TRIM5: variants seen among roughly 807,000 people sequenced by gnomAD.
TRIM5 encodes tripartite motif-containing protein 5.
TRIM5 carries 31 observed loss-of-function variants against 35.6 expected under a neutral mutation model. The ratio of observed to expected loss-of-function variants is 0.87; its 90% CI spans 0.65 to 1.18. The LOEUF (loss-of-function observed/expected upper bound fraction) is 1.18. Ranked by LOEUF, TRIM5 falls within the 50% of genes most tolerant of loss-of-function variation. The pLI, the probability that TRIM5 is intolerant of heterozygous loss-of-function variation, is 0.00. For missense variants in TRIM5, 609 were observed against 591.6 expected, an observed-to-expected ratio of 1.03 and a Z score of -0.31; for synonymous variants, 243 against 215.6, an observed-to-expected ratio of 1.13 and a Z score of -1.11.
chr11:5,610,207 G>A, the TRIM5 span: 42 of 1,613,966 alleles, frequency 2.6e-5, no homozygotes, highest in Middle Eastern at 1.6e-4. Flanking sequence ...AGTATGTTCC[G>A]AGCCCCAGAT....
chr11:5,593,626 A>G, the TRIM5 span, among the ~76,000 whole-genome samples: 4 of 152,140 alleles, frequency 2.6e-5, no homozygotes. Context: ...TCAAATGTTA[A>G]TATCCACTTA....
the TRIM5 span, chr11:5,596,522 C>CCCCACTT: frequency 1.0e-4 from 3 of 29,278 alleles, no homozygotes; most frequent in East Asian, 3.1e-3. Flanking sequence ...TTCTCCCCTT[C>CCCCACTT]CCCCCTTCCC....
the TRIM5 span, chr11:5,632,390 A>G: frequency 6.2e-7 from 1 of 1,614,020 alleles, no homozygotes; most frequent in South Asian, 1.1e-5. Context: ...ATCTGCCTGG[A>G]GCTGTTGACA....
the TRIM5 span, among the ~76,000 whole-genome samples, chr11:5,607,859 G>A: frequency 6.6e-6 from 1 of 152,064 alleles, no homozygotes; most frequent in Non-Finnish European, 1.5e-5. Flanking sequence ...AAGGAAAGGG[G>A]GCTGAGCAGA....
the TRIM5 span, chr11:5,632,399 C>T: frequency 6.2e-7 from 1 of 1,614,058 alleles, no homozygotes; most frequent in Non-Finnish European, 8.5e-7. Flanking sequence ...GAGCTGTTGA[C>T]AGAACCCTTG....
the TRIM5 span, among the ~76,000 whole-genome samples, chr11:5,603,043 G>C: frequency 6.6e-6 from 1 of 152,170 alleles, no homozygotes; most frequent in African/African-American, 2.4e-5. Flanking sequence ...TTCAATAGGA[G>C]CAAGAGGAAA....
At chr11:5,622,995 A>C in the TRIM5 span, among the ~76,000 whole-genome samples, 2 of 152,202 alleles carry the variant, frequency 1.3e-5, no homozygotes, top group Non-Finnish European at 2.9e-5. Flanking sequence ...TTTCCAGGTC[A>C]TAGGTAGATA....
chr11:5,670,007 T>C (rs1015119306), intron 4 of TRIM5: 43 of 157,152 alleles, frequency 2.7e-4, no homozygotes, highest in Admixed American at 3.3e-4. Context: ...TCAATGTCCT[T>C]CTCCAAATTC....
chr11:5,616,411 T>C, the TRIM5 span, among the ~76,000 whole-genome samples: 4,816 of 145,570 alleles, frequency 0.033, 688 homozygotes, highest in African/African-American at 0.11. Flanking sequence ...ACTGCTTGAG[T>C]TGGCATTTTA....
the TRIM5 span, chr11:5,612,008 G>C: frequency 6.6e-6 from 1 of 152,058 alleles, no homozygotes; most frequent in East Asian, 1.9e-4. Flanking sequence ...GTAAATTATT[G>C]AGACAATTGT....
intron 7 of TRIM5, 78 bp from the exon 8 acceptor site, chr11:5,665,473 T>G (rs1256725016): frequency 6.5e-7 from 1 of 1,543,238 alleles, no homozygotes; most frequent in Admixed American, 2.1e-5. Context: ...TGATAAAGAC[T>G]TGAGAGAAAA....
intron 4 of TRIM5, among the ~76,000 whole-genome samples, chr11:5,677,238 A>C (rs1040155742): frequency 3.9e-5 from 6 of 152,044 alleles, no homozygotes; most frequent in Non-Finnish European, 8.8e-5. Flanking sequence ...ATCTACAATG[A>C]ACTCAAACAA....
the TRIM5 span, chr11:5,597,058 G>A: frequency 8.3e-7 from 1 of 1,199,544 alleles, no homozygotes; most frequent in Non-Finnish European, 1.2e-6. Flanking sequence ...ACCCCACTGA[G>A]GTTAGAGACA....
the TRIM5 span, chr11:5,626,575 G>A: frequency 6.6e-6 from 1 of 152,182 alleles, no homozygotes; most frequent in African/African-American, 2.4e-5. Flanking sequence ...AGTGTGCCTG[G>A]AGAGGCATAA....
the TRIM5 span, chr11:5,655,714 A>G: frequency 1.0e-6 from 1 of 984,978 alleles, no homozygotes; most frequent in Admixed American, 6.1e-5. Context: ...CAAAAAAAGA[A>G]TAAGATAGAT....
the TRIM5 span, chr11:5,633,693 T>C: frequency 9.5e-7 from 1 of 1,048,214 alleles, no homozygotes; most frequent in Non-Finnish European, 1.3e-6. Context: ...AGCTTCACAG[T>C]TTCTGTAAAT....
chr11:5,632,437 C>A, the TRIM5 span: 1 of 1,613,932 alleles, frequency 6.2e-7, no homozygotes, highest in Non-Finnish European at 8.5e-7. Context: ...CAGCCTCTGC[C>A]GAGCCTGCAT....
At chr11:5,635,254 A>AT in the TRIM5 span, among the ~76,000 whole-genome samples, 4,149 of 128,300 alleles carry the variant, frequency 0.032, 96 homozygotes, top group Non-Finnish European at 0.038. Context: ...TTCCCTGTTA[A>AT]TTTTTTTTTT....
At chr11:5,646,199 C>G in the TRIM5 span, among the ~76,000 whole-genome samples, 2 of 151,628 alleles carry the variant, frequency 1.3e-5, no homozygotes, top group Non-Finnish European at 2.9e-5. Flanking sequence ...AGAGGCACAG[C>G]TTTTTTGGAA....
Sources: allele counts gnomAD v4.1 joint callset (sites outside exome capture counted in the v4.1 genomes callset), GRCh38; gene constraint gnomAD v4.1.1; transcripts MANE v1.5; gene names NCBI Gene and HGNC (gene_info 2026-07-23, HGNC 2026-07-21).